Variants in TMEM132D observed in about 807,000 individuals in gnomAD.
TMEM132D encodes mature OL transmembrane protein.
In TMEM132D, 21 loss-of-function variants were observed where a neutral mutation model predicts 62.3. The ratio of observed to expected loss-of-function variants is 0.34; its 90% CI spans 0.24 to 0.49. TMEM132D has a LOEUF of 0.49. Among genes scored for constraint, TMEM132D ranks in the 20% least tolerant of loss-of-function variants. The pLI, the probability that TMEM132D is intolerant of heterozygous loss-of-function variation, is 0.99. For synonymous variants in TMEM132D, 621 were observed against 575.6 expected, an observed-to-expected ratio of 1.08 and a Z score of -1.13; for missense variants, 1,346 against 1,402.8, an observed-to-expected ratio of 0.96 and a Z score of 0.65.
chr12:129,867,534 AG>A lies in TMEM132D; in HGVS notation c.79+35726del, dbSNP rs745722367. ...TTCTAGAGTTCGAATGAACCGCAGA[AG>A]GACTAAAATTAATAATTCTGTATAG... On this transcript the variant is annotated intron_variant, in intron 1 of 8. Transcript: ENST00000422113. This position sits in a 1 kb window ranked among gnomAD's most constrained non-coding sequence, Gnocchi z 4.5. Among the ~76,000 whole-genome samples, 36 of 152,244 alleles carry A rather than the reference AG, an allele frequency of 2.4e-4. No homozygotes were observed. Among genetic ancestry groups the A allele is most frequent in the Non-Finnish European group, 1.0e-4 (7 of 68,044 alleles).
intron 4 of TMEM132D, among the ~76,000 whole-genome samples, chr12:129,236,191 T>C (rs1879778887): frequency 1.3e-5 from 2 of 151,666 alleles, no homozygotes; most frequent in Non-Finnish European, 2.9e-5. Context: ...ACTAATGGAA[T>C]GTTTTCTTTC....
intron 2 of TMEM132D, among the ~76,000 whole-genome samples, chr12:129,578,706 G>A (rs746643460): frequency 9.2e-5 from 14 of 152,168 alleles, no homozygotes; most frequent in African/African-American, 2.4e-4. Flanking sequence ...TAATGGTGTC[G>A]TTTCTGGGCT....
At chr12:129,439,559 C>T (rs1167942769) in intron 3 of TMEM132D, among the ~76,000 whole-genome samples, 1 of 152,004 alleles carries the variant, frequency 6.6e-6, no homozygotes, top group African/African-American at 2.4e-5. Context: ...AAGTGATTCT[C>T]CTGCCTCAGC....
At chr12:129,638,227 T>G (rs1395159568) in intron 2 of TMEM132D, among the ~76,000 whole-genome samples, 1 of 152,162 alleles carries the variant, frequency 6.6e-6, no homozygotes, top group African/African-American at 2.4e-5. Flanking sequence ...TTTGGTCTGT[T>G]TGGTCTGTTA....
In TMEM132D at chr12:129,078,460, C is replaced by G. The variant is rs528746524; in HGVS notation, c.2115+74G>C. ...CCACTCTATTGTGCGACCCGCCTGG[C>G]GTGGTGCCTGCCTGGTGTGTGATCC... On this transcript the variant is annotated intron_variant, in intron 8 of 8. Coordinates refer to ENST00000422113, the MANE Select transcript of TMEM132D (RefSeq NM_133448.3). The G allele has an allele frequency of 4.1e-6, 6 of 1,477,918 alleles. No homozygotes were observed. In the African/African-American group the frequency reaches 8.3e-5, roughly 21 times the overall value. The allele number at this position is 1,477,918 out of a possible 1,614,324, so 91.6% of individuals were successfully genotyped here. A position where few individuals can be genotyped will look rare whatever the true frequency, so the allele number is the denominator to read the frequency against.
chr12:129,324,009 T>C (rs1868814023), intron 4 of TMEM132D, among the ~76,000 whole-genome samples: 2 of 152,174 alleles, frequency 1.3e-5, no homozygotes, highest in South Asian at 4.1e-4. Context: ...ATCTGTCCTG[T>C]GATTTTTTGG....
At chr12:129,600,650 A>T (rs1245488679) in intron 2 of TMEM132D, among the ~76,000 whole-genome samples, 1 of 152,196 alleles carries the variant, frequency 6.6e-6, no homozygotes, top group Non-Finnish European at 1.5e-5. Flanking sequence ...AAGGCATGAA[A>T]ATAACATAAA....
chr12:129,122,647 G>A (rs1876100715), intron 5 of TMEM132D, among the ~76,000 whole-genome samples: 1 of 152,194 alleles, frequency 6.6e-6, no homozygotes, highest in Non-Finnish European at 1.5e-5. Flanking sequence ...TGTGAAATTG[G>A]AAGTGGAAGA....
chr12:129,192,797 G>A (rs1296443788), intron 5 of TMEM132D, among the ~76,000 whole-genome samples: 2 of 152,120 alleles, frequency 1.3e-5, no homozygotes, highest in African/African-American at 4.8e-5. Context: ...TGGTAGCTGG[G>A]CGCCTCGTTT....
intron 1 of TMEM132D, among the ~76,000 whole-genome samples, chr12:129,892,857 G>A (rs1204041698): frequency 2.6e-5 from 4 of 152,024 alleles, no homozygotes; most frequent in East Asian, 1.9e-4. Context: ...GCATAATGGC[G>A]CCTGTTTTAA....
At chr12:129,162,466 A>T (rs1306426322) in intron 5 of TMEM132D, among the ~76,000 whole-genome samples, 1 of 152,190 alleles carries the variant, frequency 6.6e-6, no homozygotes, top group Non-Finnish European at 1.5e-5. Flanking sequence ...TGGAAAGTAA[A>T]GTGAGCATTA....
chr12:129,898,596 C>G (rs566599970), intron 1 of TMEM132D, among the ~76,000 whole-genome samples: 2 of 152,356 alleles, frequency 1.3e-5, no homozygotes, highest in South Asian at 2.1e-4. Context: ...ATCCTTCAGA[C>G]AAGGCGAGTC....
intron 2 of TMEM132D, among the ~76,000 whole-genome samples, chr12:129,630,167 G>A (rs1366902486): frequency 6.6e-6 from 1 of 152,176 alleles, no homozygotes; most frequent in Non-Finnish European, 1.5e-5. Flanking sequence ...TCTCTTGTCA[G>A]AAAAACAGGA....
chr12:129,583,964 T>G (rs1441566966), intron 2 of TMEM132D, among the ~76,000 whole-genome samples: 1 of 152,216 alleles, frequency 6.6e-6, no homozygotes, highest in Non-Finnish European at 1.5e-5. Flanking sequence ...AATATTTCGG[T>G]TTCTGAAACC....
intron 1 of TMEM132D, among the ~76,000 whole-genome samples, chr12:129,878,726 GCC>G (rs1874506581): frequency 6.6e-6 from 1 of 152,082 alleles, no homozygotes; most frequent in East Asian, 1.9e-4. Flanking sequence ...ACAGGCACCT[GCC>G]CAGCTAATTT....
At chr12:129,776,430 T>C (rs1179304994) in intron 1 of TMEM132D, among the ~76,000 whole-genome samples, 2 of 144,550 alleles carry the variant, frequency 1.4e-5, no homozygotes, top group South Asian at 2.3e-4. Flanking sequence ...TGCTTTATTT[T>C]ATTTGTCAAA....
At chr12:129,634,392 T>C (rs760989575) in intron 2 of TMEM132D, among the ~76,000 whole-genome samples, 1 of 150,804 alleles carries the variant, frequency 6.6e-6, no homozygotes, top group Non-Finnish European at 1.5e-5. Flanking sequence ...GAGGATTGCT[T>C]GAACCCAGGA....
At chr12:129,795,884 G>A (rs1195981773) in intron 1 of TMEM132D, among the ~76,000 whole-genome samples, 1 of 152,084 alleles carries the variant, frequency 6.6e-6, no homozygotes, top group Non-Finnish European at 1.5e-5. Flanking sequence ...TTTTATGAAT[G>A]AGACTTTTCT....
At chr12:129,075,596 C>A (rs746006186) in intron 8 of TMEM132D, among the ~76,000 whole-genome samples, 18 of 152,328 alleles carry the variant, frequency 1.2e-4, no homozygotes, top group Non-Finnish European at 2.6e-4. Context: ...GCCAGCCCTG[C>A]CTTTTCTGGG....
Sources: allele counts gnomAD v4.1 joint callset (sites outside exome capture counted in the v4.1 genomes callset), GRCh38; gene constraint gnomAD v4.1.1; non-coding constraint Gnocchi (gnomAD v3.1); transcripts MANE v1.5; gene names NCBI Gene and HGNC (gene_info 2026-07-23, HGNC 2026-07-21).